FOXN3: variants seen among roughly 807,000 people sequenced by gnomAD.
FOXN3 encodes the protein forkhead box protein N3.
A neutral mutation model predicts 38.4 loss-of-function variants in FOXN3; 7 were observed. The observed-to-expected ratio is 0.18, with a 90% CI of 0.10 to 0.34. The LOEUF is 0.34. Among genes scored for constraint, FOXN3 ranks in the 10% least tolerant of loss-of-function variants. FOXN3 has a pLI of 1.00. For synonymous variants in FOXN3, 230 were observed against 242.2 expected (o/e 0.95, Z 0.47); for missense variants, 456 against 613.4 (o/e 0.74, Z 2.71).
chr14:89,350,548 C>A (rs1037122983), intron 3 of FOXN3, 124 bp downstream of exon 3: 23 of 840,144 alleles, frequency 2.7e-5, no homozygotes, highest in East Asian at 1.2e-4. Flanking sequence ...TACTTAATTT[C>A]TTTCTCATTT....
At chr14:89,479,850 G>A (rs953234691) in intron 1 of FOXN3, among the ~76,000 whole-genome samples, 7 of 152,116 alleles carry the variant, frequency 4.6e-5, no homozygotes, top group Non-Finnish European at 7.3e-5. Flanking sequence ...AGCACCTAGA[G>A]CCATTACCAA....
chr14:89,444,403 C>T (rs1298192139), intron 1 of FOXN3, among the ~76,000 whole-genome samples: 1 of 150,926 alleles, frequency 6.6e-6, no homozygotes, highest in Non-Finnish European at 1.5e-5. Context: ...TGGAGCCCAG[C>T]AAGTAAAATA....
At chr14:89,583,455 G>C (rs1895784852) in intron 1 of FOXN3, among the ~76,000 whole-genome samples, 1 of 152,224 alleles carries the variant, frequency 6.6e-6, no homozygotes, top group South Asian at 2.1e-4. Context: ...GCCATGGAAG[G>C]ATGCTGCAAG....
At chr14:89,512,702 A>G (rs1168690451) in intron 1 of FOXN3, among the ~76,000 whole-genome samples, 3 of 152,250 alleles carry the variant, frequency 2.0e-5, no homozygotes, top group Admixed American at 6.5e-5. Context: ...CTGTTTCTCA[A>G]CTGCCTTCAG....
chr14:89,340,352 G>C (rs1191150460), intron 3 of FOXN3, among the ~76,000 whole-genome samples: 1 of 152,130 alleles, frequency 6.6e-6, no homozygotes, highest in Non-Finnish European at 1.5e-5. Flanking sequence ...GGACTATGGT[G>C]ATTAAGCAAC....
chr14:89,277,528 C>A (rs1886335155), intron 4 of FOXN3, among the ~76,000 whole-genome samples: 2 of 152,100 alleles, frequency 1.3e-5, no homozygotes, highest in African/African-American at 4.8e-5. Context: ...TAATCCAAAC[C>A]AAATCTTACC....
intron 1 of FOXN3, among the ~76,000 whole-genome samples, chr14:89,594,901 C>T (rs1024137029): frequency 3.6e-4 from 55 of 152,240 alleles, no homozygotes; most frequent in African/African-American, 1.3e-3. Flanking sequence ...CTACTCTTGG[C>T]ATTTTGTGTT....
chr14:89,573,738 C>T (rs1002316540), intron 1 of FOXN3, among the ~76,000 whole-genome samples: 4 of 152,172 alleles, frequency 2.6e-5, no homozygotes, highest in African/African-American at 7.2e-5. Flanking sequence ...TTAAGGACCC[C>T]ATCAGAATGT....
At chr14:89,223,357 C>G (rs1884530492) in intron 4 of FOXN3, 1 of 152,384 alleles carries the variant, frequency 6.6e-6, no homozygotes, top group South Asian at 2.1e-4. Flanking sequence ...TCCTGCCTCC[C>G]CTTTCCCACA....
intron 1 of FOXN3, among the ~76,000 whole-genome samples, chr14:89,425,040 G>C (rs1047419244): frequency 7.2e-6 from 1 of 138,348 alleles, no homozygotes; most frequent in Non-Finnish European, 1.6e-5. Context: ...TTTTTTTGTT[G>C]TGTTTTGTTT....
intron 1 of FOXN3, among the ~76,000 whole-genome samples, chr14:89,480,030 C>T (rs189868532): frequency 6.6e-6 from 1 of 152,290 alleles, no homozygotes; most frequent in African/African-American, 2.4e-5. Context: ...TTTTTAACTA[C>T]ATTTGGCCTG....
intron 1 of FOXN3, among the ~76,000 whole-genome samples, chr14:89,457,961 C>A (rs965386980): frequency 6.7e-5 from 9 of 134,674 alleles, no homozygotes; most frequent in Non-Finnish European, 1.4e-4. Flanking sequence ...TTGCAGTGAG[C>A]GGAGGTTGCA....
intron 1 of FOXN3, among the ~76,000 whole-genome samples, chr14:89,594,553 C>G (rs542973562): frequency 5.6e-4 from 86 of 152,260 alleles, no homozygotes; most frequent in Admixed American, 3.3e-3. Context: ...CATTTTTCTA[C>G]GGGGCTATTT....
chr14:89,617,665 T>C (rs1210480827), intron 1 of FOXN3, among the ~76,000 whole-genome samples: 1 of 152,236 alleles, frequency 6.6e-6, no homozygotes, highest in Non-Finnish European at 1.5e-5. Context: ...TAAAGTGCTG[T>C]GTATACGTGT....
intron 4 of FOXN3, among the ~76,000 whole-genome samples, chr14:89,200,616 G>A (rs116154696): frequency 0.012 from 1,896 of 152,238 alleles, 41 homozygotes; most frequent in African/African-American, 0.043. Flanking sequence ...TGTTTTCTCC[G>A]GGCAACAAGA....
intron 1 of FOXN3, among the ~76,000 whole-genome samples, chr14:89,570,700 T>TA (rs398026105): frequency 6.6e-6 from 1 of 151,940 alleles, no homozygotes; most frequent in Non-Finnish European, 1.5e-5. Flanking sequence ...TTTTTTTTTT[T>TA]AGCTCATTAG....
intron 4 of FOXN3, among the ~76,000 whole-genome samples, chr14:89,252,583 G>A (rs984321666): frequency 2.0e-5 from 3 of 151,512 alleles, no homozygotes; most frequent in Non-Finnish European, 4.4e-5. Context: ...CAACCCGGGA[G>A]GCAGAGGTTG....
intron 4 of FOXN3, among the ~76,000 whole-genome samples, chr14:89,275,432 TC>T (rs1399274307): frequency 6.6e-6 from 1 of 152,154 alleles, no homozygotes; most frequent in Admixed American, 6.5e-5. Flanking sequence ...TGAGGTCTGC[TC>T]CTTAAATTGC....
At chr14:89,611,792 T>TGA (rs1352607023) in intron 1 of FOXN3, among the ~76,000 whole-genome samples, 2 of 127,426 alleles carry the variant, frequency 1.6e-5, no homozygotes, top group Non-Finnish European at 3.2e-5. Context: ...GGCGACAGAG[T>TGA]GAGACTCCGT....
Sources: gnomAD v4.1 joint callset for allele counts (sites outside exome capture counted in the v4.1 genomes callset) on GRCh38, gnomAD v4.1.1 for gene constraint, MANE v1.5 for transcripts, NCBI Gene and HGNC (gene_info 2026-07-23, HGNC 2026-07-21) for gene names.